CEP290: variants seen among roughly 807,000 people sequenced by gnomAD.
The protein encoded by CEP290 is centrosomal protein 290.
Under a neutral mutation model 344.9 loss-of-function variants are expected in CEP290, and 317 were observed. The ratio of observed to expected loss-of-function variants is 0.92; its 90% CI spans 0.84 to 1.01. CEP290 has a LOEUF of 1.01. CEP290 is among the 50% of genes least tolerant of loss of function. The pLI is 0.00. For synonymous variants in CEP290, 932 were observed against 895.8 expected, an observed-to-expected ratio of 1.04 and a Z score of -0.72; for missense variants, 2,754 against 2,761.4, an observed-to-expected ratio of 1.00 and a Z score of 0.06.
chr12:88,050,488 C>A, intron 52 of CEP290, 55 bp from the exon 53 acceptor site: 1 of 778,482 alleles, frequency 1.3e-6, no homozygotes. Context: ...CGAATGAGTT[C>A]AAGGTAATGG....
chr12:88,119,929 A>G (rs2039301599), intron 15 of CEP290, among the ~76,000 whole-genome samples, 185 bp downstream of exon 15: 1 of 152,100 alleles, frequency 6.6e-6, no homozygotes, highest in Admixed American at 6.6e-5. Flanking sequence ...CCACCACTCC[A>G]ACCCCATAAA....
intron 13 of CEP290, among the ~76,000 whole-genome samples, chr12:88,124,489 CAT>C (rs558503963): frequency 6.6e-6 from 1 of 152,072 alleles, no homozygotes; most frequent in East Asian, 1.9e-4. Context: ...CTTACACACA[CAT>C]ATGTGCACGG....
At chr12:88,140,315 T>C (rs1052929273) in intron 3 of CEP290, among the ~76,000 whole-genome samples, 1 of 152,232 alleles carries the variant, frequency 6.6e-6, no homozygotes, top group Non-Finnish European at 1.5e-5. Context: ...TTTTGCCTTC[T>C]TAAGGTGTAT....
rs2035400071 is a variant in CEP290 at position 88,071,843 on chromosome 12, CTCTTT to C, written c.5788_5792del (p.Lys1930GlufsTer24). 1 of 1,605,114 alleles carries C rather than the reference CTCTTT, an allele frequency of 6.2e-7. No individual in the cohort carries two copies. Among genetic ancestry groups the C allele is most frequent in the Non-Finnish European group, 8.5e-7 (1 of 1,176,670 alleles). On this transcript the variant is annotated frameshift_variant, in exon 42 of 54. Transcript: ENST00000552810. LOFTEE classifies it high-confidence loss of function. ...TTAAAGTAAAGACTTCCCCCTCTTT[CTCTTT>C]TAACTTGTTTCGAATTCCTTCTATT... is the stretch of plus-strand genomic sequence containing the variant.
intron 44 of CEP290, among the ~76,000 whole-genome samples, chr12:88,065,524 T>G (rs1361557058): frequency 6.6e-6 from 1 of 152,190 alleles, no homozygotes; most frequent in Non-Finnish European, 1.5e-5. Flanking sequence ...AGTTTATAAG[T>G]GAAGGCATTA....
At position 88,085,987 on chromosome 12, in the gene CEP290, C is replaced by T. The variant is rs1467379674; in HGVS notation, c.4437+52G>A. ...ATAAAGAAATATTATTTAGAAAGCC[C>T]CCCAAACATACCAAATAATACACTA... On this transcript the variant is annotated intron_variant, in intron 34 of 53. Transcript: ENST00000552810. The T allele has an allele frequency of 2.6e-6, 4 of 1,516,434 alleles. No individual in the cohort carries two copies. The East Asian group carries it at 7.1e-5, about 27-fold the overall frequency. The allele number at this position is 1,516,434 out of a possible 1,614,324, so 93.9% of individuals were successfully genotyped here. A position where few individuals can be genotyped will look rare whatever the true frequency, so the allele number is the denominator to read the frequency against.
chr12:88,097,394 C>T (rs1467827443), intron 26 of CEP290, among the ~76,000 whole-genome samples: 3 of 151,964 alleles, frequency 2.0e-5, no homozygotes, highest in Non-Finnish European at 4.4e-5. Context: ...GCTCGGCTCA[C>T]ATTCTTCTAA....
intron 9 of CEP290, 117 bp downstream of exon 9, chr12:88,130,151 C>A: frequency 9.3e-7 from 1 of 1,080,258 alleles, no homozygotes; most frequent in Non-Finnish European, 1.3e-6. Context: ...TTTACAAGTA[C>A]ATAGTGACAG....
intron 49 of CEP290, chr12:88,058,425 A>G (rs559135882): frequency 5.1e-6 from 1 of 196,038 alleles, no homozygotes; most frequent in South Asian, 9.9e-5. Flanking sequence ...CCAGTATGCC[A>G]CACATTGTGA....
In CEP290 at chr12:88,102,827, C is replaced by T. The variant is rs1214417467; in HGVS notation, c.2991+11G>A. On this transcript the variant is annotated intron_variant, in intron 26 of 53. Transcript: ENST00000552810. ...CTAATTTCACAAGGTTCAAGAATCA[C>T]ACAAACTTACCTCCAGGTGTTCCAA... 1.2e-6 allele frequency: 2 copies of T among 1,605,962 alleles called. No individual in the cohort carries two copies. Among genetic ancestry groups the T allele is most frequent in the Non-Finnish European group, 1.7e-6 (2 of 1,177,044 alleles).
At chr12:88,103,975 G>GA (rs996523189) in intron 25 of CEP290, 6 of 151,786 alleles carry the variant, frequency 4.0e-5, no homozygotes, top group Non-Finnish European at 8.8e-5. Flanking sequence ...ATTGTTGGGA[G>GA]AAAAAAATCA....
intron 32 of CEP290, among the ~76,000 whole-genome samples, chr12:88,086,701 G>C (rs922084791): frequency 2.3e-4 from 6 of 26,006 alleles, no homozygotes; most frequent in Non-Finnish European, 6.1e-4. Flanking sequence ...AAGGATTTCA[G>C]TCTATCCATC....
Position 88,089,039 on chromosome 12 carries a change from G to T in CEP290, c.4022C>A (p.Ala1341Asp). ...TCAAGTTTAAATGTTTACCTTTTGG[G>T]CTCCTTTGGTATCCTTTAAAGTGCT... Reference protein sequence around the residue: ...LISTLKDTKGAQKVINWHMKI... With the variant: ...LISTLKDTKGDQKVINWHMKI... Residue 1341 changes from alanine (A) to aspartate (D), a missense_variant, in exon 31 of 54, where the codon GCC (alanine) becomes GAC (aspartate). Coordinates refer to ENST00000552810, the MANE Select transcript of CEP290 (RefSeq NM_025114.4). 1.3e-6 allele frequency: 2 copies of T among 1,483,686 alleles called. No individual in the cohort carries two copies. Among genetic ancestry groups the T allele is most frequent in the Non-Finnish European group, 8.9e-7 (1 of 1,117,546 alleles). The allele number at this position is 1,483,686 out of a possible 1,614,324, so 91.9% of individuals were successfully genotyped here. A position where few individuals can be genotyped will look rare whatever the true frequency, so the allele number is the denominator to read the frequency against.
intron 41 of CEP290, among the ~76,000 whole-genome samples, chr12:88,072,307 CTGTGACTCA>C (rs1277641983): frequency 2.4e-4 from 36 of 151,718 alleles, no homozygotes; most frequent in Admixed American, 2.2e-3. Flanking sequence ...TGTGTTTTGA[CTGTGACTCA>C]TCATATGAGG....
rs71082424 is a variant in CEP290 at position 88,086,704 on chromosome 12, T to TATCCATCCATCC, written c.4195-218_4195-207dup. 3.2e-3 allele frequency among the ~76,000 whole-genome samples: 474 copies of TATCCATCCATCC among 149,176 alleles called. 2 individuals are homozygous for TATCCATCCATCC. Among genetic ancestry groups the TATCCATCCATCC allele is most frequent in the South Asian group, 9.3e-3 (43 of 4,646 alleles). ...CAGATGTGAAGTAAGGATTTCAGTC[T>TATCCATCCATCC]ATCCATCCATCCATCCATCCATCCA... On this transcript the variant is annotated intron_variant, in intron 32 of 53. Transcript: ENST00000552810.
chr12:88,060,941 C>A lies in CEP290; in HGVS notation c.6411G>T (p.Met2137Ile). The stretch of plus-strand genomic sequence containing the variant: ...TCTGGACTTTTTCAACTACTTTTTT[C>A]ATTAAACCAATGGTTTTTTCCAGTT... Reference protein sequence around the residue: ...IPELEKTIGLMKKVVEKVQRE... With the variant: ...IPELEKTIGLIKKVVEKVQRE... Residue 2137 changes from methionine to isoleucine, a missense_variant, in exon 47 of 54, where the codon ATG becomes ATT. Coordinates refer to ENST00000552810, the MANE Select transcript of CEP290 (RefSeq NM_025114.4). The A allele has an allele frequency of 6.4e-7, 1 of 1,560,210 alleles. No individual in the cohort carries two copies. The highest frequency in any genetic ancestry group is 8.7e-7 in the Non-Finnish European group (1 of 1,151,140).
In CEP290 at chr12:88,053,653, A is replaced by G. The variant is rs2033754349; in HGVS notation, c.7128T>C (p.Pro2376=). The G allele has an allele frequency of 6.8e-7, 1 of 1,467,058 alleles. No homozygotes were observed. Among genetic ancestry groups the G allele is most frequent in the East Asian group, 2.4e-5 (1 of 41,692 alleles). The allele number at this position is 1,467,058 out of a possible 1,614,324, so 90.9% of individuals were successfully genotyped here. A position where few individuals can be genotyped will look rare whatever the true frequency, so the allele number is the denominator to read the frequency against. Reference sequence around the variant, plus strand: ...AACATGTTTTTTAAAATACATTACCAGGTATGGTGCTTTCAGCTCCACTTT... The same window carrying G: ...AACATGTTTTTTAAAATACATTACCGGGTATGGTGCTTTCAGCTCCACTTT... ...KDQSGAESTI[P]DADQLKEKIK... Residue 2376 remains proline, a splice_region_variant and synonymous_variant, in exon 52 of 54, where the codon CCT becomes CCC. Coordinates refer to ENST00000552810, the MANE Select transcript of CEP290 (RefSeq NM_025114.4).
At chr12:88,101,229 C>G (rs893028908) in intron 26 of CEP290, among the ~76,000 whole-genome samples, 2 of 152,056 alleles carry the variant, frequency 1.3e-5, no homozygotes, top group African/African-American at 4.8e-5. Context: ...CATCTGTAAT[C>G]CCAGCACTTT....
intron 6 of CEP290, among the ~76,000 whole-genome samples, chr12:88,132,948 T>C (rs985523096): frequency 7.2e-5 from 11 of 152,136 alleles, no homozygotes; most frequent in Admixed American, 6.5e-5. Flanking sequence ...GTGTTCTCAT[T>C]GTTCAGCTCC....
Sources: allele counts gnomAD v4.1 joint callset (sites outside exome capture counted in the v4.1 genomes callset), GRCh38; gene constraint gnomAD v4.1.1; transcripts MANE v1.5; gene names NCBI Gene and HGNC (gene_info 2026-07-23, HGNC 2026-07-21).